The following CUX1 variants were observed in gnomAD, a reference collection of about 807,000 sequenced individuals.
The protein encoded by CUX1 is protein CASP.
In CUX1, 31 loss-of-function variants were observed where a neutral mutation model predicts 158.8. The ratio of observed to expected loss-of-function variants is 0.20; its 90% CI spans 0.15 to 0.26. The LOEUF is 0.26. CUX1 is among the 10% of genes least tolerant of loss of function. The pLI is 1.00. For synonymous variants in CUX1, 879 were observed against 862.1 expected (o/e 1.02, Z -0.34); for missense variants, 1,589 against 2,014.6 (o/e 0.79, Z 4.04).
At chr7:102,051,810 C>T (rs1188368154) in intron 3 of CUX1, among the ~76,000 whole-genome samples, 1 of 152,200 alleles carries the variant, frequency 6.6e-6, no homozygotes, top group Non-Finnish European at 1.5e-5. Flanking sequence ...TCACTGTCAA[C>T]TTTGTTTTCG....
At chr7:102,000,965 G>T (rs1214169548) in intron 2 of CUX1, among the ~76,000 whole-genome samples, 3 of 152,088 alleles carry the variant, frequency 2.0e-5, no homozygotes, top group Non-Finnish European at 4.4e-5. Flanking sequence ...TTTTGTAGAG[G>T]TGGGGTATCG....
At chr7:102,184,158 C>G (rs555734736) in intron 11 of CUX1, among the ~76,000 whole-genome samples, 31 of 152,144 alleles carry the variant, frequency 2.0e-4, no homozygotes, top group Non-Finnish European at 4.0e-4. Context: ...TCAGTCTCCC[C>G]TAGTGCTGGG....
At chr7:101,896,795 A>C (rs1801567028) in intron 1 of CUX1, among the ~76,000 whole-genome samples, 1 of 152,254 alleles carries the variant, frequency 6.6e-6, no homozygotes, top group Non-Finnish European at 1.5e-5. Context: ...TAACAAACTA[A>C]ATATGAAGTT....
Position 102,256,921 on chromosome 7 carries a change from C to T in CUX1, c.*7879C>T, listed in dbSNP as rs1789959260. On this transcript the variant is annotated 3_prime_UTR_variant, in exon 24 of 24. Transcript: ENST00000292535. ...TGGTCAAAACCATCTTTCAAAGCAA[C>T]AGTGTTTTGTAGTACCAGGCTGTGG... 5 of 985,332 alleles carry T rather than the reference C, an allele frequency of 5.1e-6. No individual in the cohort carries two copies. The highest frequency in any genetic ancestry group is 6.0e-6 in the Non-Finnish European group (5 of 829,966). The allele number at this position is 985,332 out of a possible 1,614,324, so 61.0% of individuals were successfully genotyped here.
intron 2 of CUX1, among the ~76,000 whole-genome samples, chr7:101,981,207 C>T (rs1293066263): frequency 6.6e-6 from 1 of 152,030 alleles, no homozygotes; most frequent in East Asian, 1.9e-4. Context: ...CCTCCCCCAA[C>T]CTATACACAC....
intron 20 of CUX1, among the ~76,000 whole-genome samples, chr7:102,216,742 A>G (rs1554524961): frequency 7.1e-6 from 1 of 140,222 alleles, no homozygotes. Flanking sequence ...AGTCCCACAC[A>G]CACTTCTGCA....
intron 14 of CUX1, among the ~76,000 whole-genome samples, chr7:102,266,219 A>AAG (rs35439464): frequency 0.02 from 2,911 of 147,578 alleles, 122 homozygotes; most frequent in African/African-American, 0.071. Flanking sequence ...AAAAAAAAAA[A>AAG]AGAGAGAGAG....
intron 21 of CUX1, among the ~76,000 whole-genome samples, chr7:102,231,206 ATT>A (rs1554530604): frequency 6.6e-6 from 1 of 151,460 alleles, no homozygotes; most frequent in African/African-American, 2.4e-5. Context: ...ATTTTTTTGT[ATT>A]TTTAGTAGAG....
At chr7:101,861,428 T>TC (rs1797447958) in intron 1 of CUX1, among the ~76,000 whole-genome samples, 1 of 152,182 alleles carries the variant, frequency 6.6e-6, no homozygotes, top group African/African-American at 2.4e-5. Context: ...ACCCGTTTTT[T>TC]CCCCAATCTT....
chr7:102,246,647 G>A (rs1365037443), intron 23 of CUX1, among the ~76,000 whole-genome samples: 1 of 151,708 alleles, frequency 6.6e-6, no homozygotes, highest in Non-Finnish European at 1.5e-5. Flanking sequence ...TTGGCTCACT[G>A]TAACCTCCAC....
At chr7:102,183,717 C>T (rs1266915772) in intron 11 of CUX1, among the ~76,000 whole-genome samples, 1 of 152,210 alleles carries the variant, frequency 6.6e-6, no homozygotes, top group African/African-American at 2.4e-5. Flanking sequence ...CCAACTCTAA[C>T]CTGAGCCAGT....
chr7:102,007,453 C>T (rs1162958150), intron 2 of CUX1, among the ~76,000 whole-genome samples: 1 of 152,028 alleles, frequency 6.6e-6, no homozygotes, highest in Non-Finnish European at 1.5e-5. Context: ...CCCTCCGCCC[C>T]TGGGTGCCAG....
At chr7:101,969,359 C>CAAAAA (rs10711703) in intron 2 of CUX1, among the ~76,000 whole-genome samples, 5 of 56,108 alleles carry the variant, frequency 8.9e-5, no homozygotes, top group East Asian at 1.4e-3. Context: ...CAAAAAACAG[C>CAAAAA]AAAAAAAAAA....
chr7:101,931,713 A>G (rs112408215), intron 2 of CUX1, among the ~76,000 whole-genome samples: 7 of 152,146 alleles, frequency 4.6e-5, no homozygotes, highest in Admixed American at 2.0e-4. Flanking sequence ...ACAGGCATGC[A>G]CCATGGTGTC....
intron 1 of CUX1, among the ~76,000 whole-genome samples, chr7:101,876,624 G>A (rs752876536): frequency 4.1e-4 from 63 of 152,202 alleles, no homozygotes; most frequent in Non-Finnish European, 2.9e-4. Flanking sequence ...GAACCTGGGA[G>A]GTGGAGGTTG....
At chr7:101,886,374 T>C (rs2131599536) in intron 1 of CUX1, among the ~76,000 whole-genome samples, 1 of 152,142 alleles carries the variant, frequency 6.6e-6, no homozygotes, top group South Asian at 2.1e-4. Flanking sequence ...TTTTTTGTAG[T>C]TTTTTTGGTA....
At chr7:102,062,384 C>T (rs1824989277) in intron 3 of CUX1, among the ~76,000 whole-genome samples, 1 of 152,212 alleles carries the variant, frequency 6.6e-6, no homozygotes, top group East Asian at 1.9e-4. Flanking sequence ...CTTTCTCACC[C>T]CTTCCATATC....
At chr7:101,851,624 G>T (rs1796276250) in intron 1 of CUX1, among the ~76,000 whole-genome samples, 1 of 152,178 alleles carries the variant, frequency 6.6e-6, no homozygotes, top group Non-Finnish European at 1.5e-5. Context: ...CATCCGTCAA[G>T]GGCGTTCTGC....
intron 2 of CUX1, among the ~76,000 whole-genome samples, chr7:102,015,735 A>G (rs17494197): frequency 0.42 from 64,435 of 151,998 alleles, 14,299 homozygotes; most frequent in Non-Finnish European, 0.46. Flanking sequence ...TCCACCCGCT[A>G]TGCATCGTCC....
Sources: gnomAD v4.1 joint callset for allele counts (sites outside exome capture counted in the v4.1 genomes callset) on GRCh38, gnomAD v4.1.1 for gene constraint, MANE v1.5 for transcripts, NCBI Gene and HGNC (gene_info 2026-07-23, HGNC 2026-07-21) for gene names.